Variants in GRIA1 observed in about 807,000 individuals in gnomAD.
GRIA1 encodes the protein glutamate ionotropic receptor AMPA type subunit 1, also known as glutamate receptor 1.
In GRIA1, 31 loss-of-function variants were observed where a neutral mutation model predicts 99.2. The observed-to-expected ratio is 0.31, with a 90% CI of 0.23 to 0.42. The LOEUF is 0.42. Ranked by LOEUF, GRIA1 falls within the 10% of genes least tolerant of loss-of-function variation. The pLI is 1.00. For missense variants in GRIA1, 782 were observed against 1,157.5 expected (o/e 0.68, Z 4.71); for synonymous variants, 438 against 432.4 (o/e 1.01, Z -0.16).
At chr5:153,693,736 G>A (rs560743676) in intron 8 of GRIA1, among the ~76,000 whole-genome samples, 23 of 152,268 alleles carry the variant, frequency 1.5e-4, no homozygotes, top group African/African-American at 4.6e-4. Flanking sequence ...TCTCCTGACT[G>A]GTAGGCCCCA....
At chr5:153,736,397 C>A (rs750868905) in intron 11 of GRIA1, among the ~76,000 whole-genome samples, 1 of 152,174 alleles carries the variant, frequency 6.6e-6, no homozygotes, top group African/African-American at 2.4e-5. Flanking sequence ...CATTAACCAA[C>A]TGAAAACTTT....
intron 13 of GRIA1, among the ~76,000 whole-genome samples, chr5:153,773,090 A>G (rs1763988315): frequency 6.6e-6 from 1 of 152,192 alleles, no homozygotes; most frequent in African/African-American, 2.4e-5. Flanking sequence ...ACTTTCCACT[A>G]TAATAAAAAC....
chr5:153,537,310 C>A (rs1452732290), intron 2 of GRIA1, among the ~76,000 whole-genome samples: 1 of 152,222 alleles, frequency 6.6e-6, no homozygotes, highest in East Asian at 1.9e-4. Context: ...GGAGACCAGA[C>A]CCTGCACATC....
chr5:153,664,154 T>C (rs982644692), intron 5 of GRIA1, among the ~76,000 whole-genome samples: 7 of 152,134 alleles, frequency 4.6e-5, no homozygotes, highest in African/African-American at 1.7e-4. Flanking sequence ...AAATAGAGAA[T>C]ACAATGGGAG....
intron 2 of GRIA1, among the ~76,000 whole-genome samples, chr5:153,571,640 A>C (rs12153160): frequency 0.13 from 20,010 of 152,196 alleles, 1,495 homozygotes; most frequent in South Asian, 0.24. Context: ...TGGACTAAGA[A>C]ATACATGAAG....
chr5:153,577,372 G>A (rs1008803556), intron 2 of GRIA1, among the ~76,000 whole-genome samples: 1 of 152,224 alleles, frequency 6.6e-6, no homozygotes, highest in Non-Finnish European at 1.5e-5. Context: ...GTCAAATGGA[G>A]ATAGGGACCA....
intron 11 of GRIA1, among the ~76,000 whole-genome samples, chr5:153,739,351 G>A (rs554403764): frequency 2.3e-4 from 35 of 152,206 alleles, no homozygotes; most frequent in African/African-American, 7.9e-4. Context: ...TTTCTGTGGC[G>A]AACTCATTCT....
At position 153,647,167 on chromosome 5, in the gene GRIA1, G is replaced by A. The variant is rs1193909666; in HGVS notation, c.460G>A (p.Gly154Ser). The change falls in exon 3 of 16, where the codon GGC becomes AGC. Residue 154 changes from glycine to serine, a missense_variant and splice_region_variant. Transcript: ENST00000285900. ...TGTCTACATTTATGATGCCGACCGG[G>A]GTAAGCCAAGGGTTAGGGGAGGGAG... ...KFVYIYDADR[G>S]LSVLQKVLDT... 1.9e-6 allele frequency: 3 copies of A among 1,613,700 alleles called. No individual in the cohort carries two copies. The highest frequency in any genetic ancestry group is 2.5e-6 in the Non-Finnish European group (3 of 1,179,772).
At chr5:153,596,927 G>A (rs1168137426) in intron 2 of GRIA1, among the ~76,000 whole-genome samples, 1 of 152,214 alleles carries the variant, frequency 6.6e-6, no homozygotes, top group Non-Finnish European at 1.5e-5. Context: ...CTGTCATACA[G>A]GCTGATGGGT....
chr5:153,806,434 T>G (rs1766433349), intron 15 of GRIA1, among the ~76,000 whole-genome samples: 1 of 151,954 alleles, frequency 6.6e-6, no homozygotes, highest in Non-Finnish European at 1.5e-5. Context: ...CCTGGCTAAT[T>G]TTTTGTATTT....
intron 2 of GRIA1, among the ~76,000 whole-genome samples, chr5:153,580,090 G>A (rs1401100003): frequency 2.6e-5 from 4 of 152,182 alleles, no homozygotes; most frequent in African/African-American, 9.6e-5. Flanking sequence ...ACCTACTGAT[G>A]CTTCAGCTCT....
chr5:153,658,517 C>A (rs533449660), intron 5 of GRIA1, among the ~76,000 whole-genome samples: 4 of 152,106 alleles, frequency 2.6e-5, no homozygotes, highest in African/African-American at 9.7e-5. Flanking sequence ...TTGCATGTTT[C>A]GATAGATTAG....
chr5:153,724,623 G>A (rs1432357646), intron 11 of GRIA1, among the ~76,000 whole-genome samples: 9 of 152,228 alleles, frequency 5.9e-5, no homozygotes, highest in South Asian at 2.1e-4. Context: ...GAGCCGATGC[G>A]ATCAACTGGA....
chr5:153,794,878 G>A, intron 14 of GRIA1, 143 bp downstream of exon 14: 1 of 622,078 alleles, frequency 1.6e-6, no homozygotes, highest in South Asian at 2.0e-5. Context: ...CCCTTTGGTT[G>A]AGTAGAAGTA....
chr5:153,549,545 G>T (rs1024253679), intron 2 of GRIA1, among the ~76,000 whole-genome samples: 2 of 152,156 alleles, frequency 1.3e-5, no homozygotes, highest in Non-Finnish European at 2.9e-5. Context: ...TGGGTTTATT[G>T]TGGGTCTGAG....
At chr5:153,670,840 A>G (rs1048802698) in intron 5 of GRIA1, among the ~76,000 whole-genome samples, 1 of 152,174 alleles carries the variant, frequency 6.6e-6, no homozygotes, top group African/African-American at 2.4e-5. Flanking sequence ...ACAGTTGTGC[A>G]GGTTCATTTT....
chr5:153,552,344 A>G lies in GRIA1; in HGVS notation c.220+58279A>G, dbSNP rs535488857. Among the ~76,000 whole-genome samples the G allele has an allele frequency of 3.5e-4, 53 of 152,146 alleles. No homozygotes were observed. In the South Asian group the frequency reaches 0.011, roughly 30 times the overall value. On this transcript the variant is annotated intron_variant, in intron 2 of 15. Transcript: ENST00000285900. The stretch of plus-strand genomic sequence containing the variant: ...CGTCCTGTAAGAACCCACACTCTCC[A>G]GTTTGCTGCTGTCCATACCAGCTTG...
At chr5:153,546,903 A>G (rs544735329) in intron 2 of GRIA1, among the ~76,000 whole-genome samples, 1 of 152,362 alleles carries the variant, frequency 6.6e-6, no homozygotes, top group African/African-American at 2.4e-5. Context: ...ACCAGAATGT[A>G]ATCTCCATGA....
intron 2 of GRIA1, among the ~76,000 whole-genome samples, chr5:153,624,441 C>T (rs1009982169): frequency 3.9e-5 from 6 of 152,180 alleles, no homozygotes; most frequent in Non-Finnish European, 7.3e-5. Context: ...CACCTGCAGC[C>T]ATCAGAGAGG....
Sources: gnomAD v4.1 joint callset for allele counts (sites outside exome capture counted in the v4.1 genomes callset) on GRCh38, gnomAD v4.1.1 for gene constraint, MANE v1.5 for transcripts, NCBI Gene and HGNC (gene_info 2026-07-23, HGNC 2026-07-21) for gene names.